Variants in B4GALT6 observed in about 807,000 individuals in gnomAD.
The protein encoded by B4GALT6 is UDP-Gal:beta-GlcNAc beta-1,4-galactosyltransferase 6.
Under a neutral mutation model 46.3 loss-of-function variants are expected in B4GALT6, and 14 were observed. The ratio of observed to expected loss-of-function variants is 0.30; its 90% CI spans 0.20 to 0.47. The LOEUF (loss-of-function observed/expected upper bound fraction) is 0.47, where lower values mean the gene tolerates loss of function less well. Among genes scored for constraint, B4GALT6 ranks in the 20% least tolerant of loss-of-function variants. The pLI is 0.99. For synonymous variants in B4GALT6, 168 were observed against 162.0 expected, an observed-to-expected ratio of 1.04 and a Z score of -0.28; for missense variants, 386 against 480.1, an observed-to-expected ratio of 0.80 and a Z score of 1.83.
the B4GALT6 span, among the ~76,000 whole-genome samples, chr18:31,711,006 C>T: frequency 2.0e-5 from 3 of 152,182 alleles, no homozygotes; most frequent in Non-Finnish European, 4.4e-5. Context: ...GACTCCCTGG[C>T]TAGAAGACCT....
chr18:31,700,435 T>TGTGTGTGTG, the B4GALT6 span, among the ~76,000 whole-genome samples: 47 of 139,580 alleles, frequency 3.4e-4, no homozygotes, highest in East Asian at 3.2e-3. Context: ...AATTGACTAT[T>TGTGTGTGTG]TGTGTGTGTG....
chr18:31,671,522 T>C (rs1222420415), intron 1 of B4GALT6, among the ~76,000 whole-genome samples: 1 of 152,226 alleles, frequency 6.6e-6, no homozygotes, highest in Non-Finnish European at 1.5e-5. Context: ...TTTTCATATG[T>C]CTGTTGGCTG....
At chr18:31,688,108 T>G (rs1380966571), upstream of B4GALT6, among the ~76,000 whole-genome samples, 1 of 151,996 alleles carries the variant, frequency 6.6e-6, no homozygotes, top group African/African-American at 2.4e-5. Context: ...AGTCTCAGCA[T>G]CTGAGACTCA....
the B4GALT6 span, among the ~76,000 whole-genome samples, chr18:31,693,940 G>A: frequency 1.2e-3 from 177 of 152,280 alleles, no homozygotes; most frequent in African/African-American, 4.1e-3. Context: ...TCCAGCCTGG[G>A]AGACAGAGTG....
chr18:31,720,681 A>G, the B4GALT6 span, among the ~76,000 whole-genome samples: 1 of 152,198 alleles, frequency 6.6e-6, no homozygotes, highest in East Asian at 1.9e-4. Flanking sequence ...GGAATGAAAT[A>G]ATGTGAATTG....
intron 3 of B4GALT6, among the ~76,000 whole-genome samples, chr18:31,651,817 C>CT (rs908894087): frequency 6.6e-6 from 1 of 152,160 alleles, no homozygotes; most frequent in African/African-American, 2.4e-5. Flanking sequence ...GTTTCCCAGG[C>CT]TGAAGTGCAG....
intron 3 of B4GALT6, among the ~76,000 whole-genome samples, chr18:31,652,379 A>G (rs200709545): frequency 2.2e-5 from 1 of 46,080 alleles, no homozygotes; most frequent in East Asian, 1.2e-3. Context: ...GGTGTGTGAC[A>G]AGACACAGCA....
chr18:31,675,109 A>C (rs183564002), intron 1 of B4GALT6, among the ~76,000 whole-genome samples: 168 of 152,352 alleles, frequency 1.1e-3, no homozygotes, highest in African/African-American at 3.9e-3. Flanking sequence ...CAAGCTTTGC[A>C]GATGCAAATA....
the B4GALT6 span, among the ~76,000 whole-genome samples, chr18:31,719,417 G>A: frequency 2.6e-5 from 4 of 152,174 alleles, no homozygotes; most frequent in African/African-American, 4.8e-5. Context: ...ACACATCTAG[G>A]CAAATATGAA....
At chr18:31,705,226 A>G in the B4GALT6 span, among the ~76,000 whole-genome samples, 1 of 152,236 alleles carries the variant, frequency 6.6e-6, no homozygotes, top group South Asian at 2.1e-4. Context: ...AGGATAATAC[A>G]CGTACTTATA....
Position 31,625,455 on chromosome 18 carries a change from G to A in B4GALT6, c.*159C>T, listed in dbSNP as rs1419334731. ...GAGCAGGGAGGACGGGTGAGAGAAG[G>A]GTGACTGTATATAGTCCCACTCTGT... On this transcript the variant is annotated 3_prime_UTR_variant, in exon 9 of 9. Coordinates refer to ENST00000306851, the MANE Select transcript of B4GALT6 (RefSeq NM_004775.5). 1.4e-6 allele frequency: 1 copy of A among 692,598 alleles called. No individual in the cohort carries two copies. The highest frequency in any genetic ancestry group is 2.3e-6 in the Non-Finnish European group (1 of 435,408). The allele number at this position is 692,598 out of a possible 1,614,324, so 42.9% of individuals were successfully genotyped here. A position where few individuals can be genotyped will look rare whatever the true frequency, so the allele number is the denominator to read the frequency against.
rs571457424 is a variant in B4GALT6 at position 31,678,541 on chromosome 18, G to A, written c.115+5771C>T. Among the ~76,000 whole-genome samples, 9 of 152,296 alleles carry A rather than the reference G, an allele frequency of 5.9e-5. No individual in the cohort carries two copies. The South Asian group carries it at 1.7e-3, about 28-fold the overall frequency. On this transcript the variant is annotated intron_variant, in intron 1 of 8. Transcript: ENST00000306851. The stretch of plus-strand genomic sequence containing the variant: ...ACTCGGGCACAGTAGAATGAGTCAG[G>A]AATCCTAAGGTGTACATTTCAGCTC...
chr18:31,695,722 A>G, the B4GALT6 span, among the ~76,000 whole-genome samples: 6 of 152,250 alleles, frequency 3.9e-5, no homozygotes, highest in Non-Finnish European at 8.8e-5. Flanking sequence ...ACTATGTCAT[A>G]TGGAGATTCA....
chr18:31,650,345 T>C (rs1002489685), intron 3 of B4GALT6, among the ~76,000 whole-genome samples: 2 of 152,240 alleles, frequency 1.3e-5, no homozygotes, highest in South Asian at 2.1e-4. Context: ...TTTCAACGGC[T>C]TGAACTACCC....
At chr18:31,632,348 T>A (rs1049571204) in intron 5 of B4GALT6, among the ~76,000 whole-genome samples, 1 of 152,222 alleles carries the variant, frequency 6.6e-6, no homozygotes. Context: ...TACATCAACA[T>A]CAGCTTTAAC....
chr18:31,630,479 G>A (rs1349097202), intron 6 of B4GALT6, among the ~76,000 whole-genome samples: 1 of 151,796 alleles, frequency 6.6e-6, no homozygotes, highest in Non-Finnish European at 1.5e-5. Context: ...AAGATAAACA[G>A]CAGAAGAGAG....
At position 31,668,837 on chromosome 18, in the gene B4GALT6, T is replaced by G. The variant is rs371476268; in HGVS notation, c.116-2465A>C. Among the ~76,000 whole-genome samples, 5 of 107,070 alleles carry G rather than the reference T, an allele frequency of 4.7e-5. No individual in the cohort carries two copies. The South Asian group carries it at 1.6e-3, about 35-fold the overall frequency. 70.2% of individuals were successfully genotyped at this position (107,070 alleles called of 152,430 possible). A position where few individuals can be genotyped will look rare whatever the true frequency, so the allele number is the denominator to read the frequency against. On this transcript the variant is annotated intron_variant, in intron 1 of 8. Transcript: ENST00000306851. The stretch of plus-strand genomic sequence containing the variant: ...CAACATGGTGAAATGCCGTCTCTAC[T>G]AAAAAAATACAAAAAAAAAAAAAAC...
chr18:31,624,480 C>T lies in B4GALT6; in HGVS notation c.*1134G>A, dbSNP rs1280979008. ...AAGGGTCCCCTCCAAAAGTGAAATTCTATGTCTGAAAACTAAACTTAAAAT... is the reference window on the plus strand; with the variant it reads ...AAGGGTCCCCTCCAAAAGTGAAATTTTATGTCTGAAAACTAAACTTAAAAT... On this transcript the variant is annotated 3_prime_UTR_variant, in exon 9 of 9. Coordinates refer to ENST00000306851, the MANE Select transcript of B4GALT6 (RefSeq NM_004775.5). The T allele has an allele frequency of 2.0e-5, 3 of 151,878 alleles. No homozygotes were observed. The highest frequency in any genetic ancestry group is 2.0e-4 in the Admixed American group (3 of 15,258). The allele number at this position is 151,878 out of a possible 1,614,324, so 9.4% of individuals were successfully genotyped here.
At position 31,639,143 on chromosome 18, in the gene B4GALT6, A is replaced by G. The variant is rs79678875; in HGVS notation, c.472-383T>C. Among the ~76,000 whole-genome samples, 977 of 152,312 alleles carry G rather than the reference A, an allele frequency of 6.4e-3. 11 individuals are homozygous for G. The highest frequency in any genetic ancestry group is 9.1e-3 in the Non-Finnish European group (622 of 68,032). Reference sequence around the variant, plus strand: ...TTAGGCAATTAGTACAGTCGTTGAGAAAACAGGTAATGGTAGCTTAAACTA... The same window carrying G: ...TTAGGCAATTAGTACAGTCGTTGAGGAAACAGGTAATGGTAGCTTAAACTA... On this transcript the variant is annotated intron_variant, in intron 4 of 8. Coordinates refer to ENST00000306851, the MANE Select transcript of B4GALT6 (RefSeq NM_004775.5).
Sources: gnomAD v4.1 joint callset for allele counts (sites outside exome capture counted in the v4.1 genomes callset) on GRCh38, gnomAD v4.1.1 for gene constraint, MANE v1.5 for transcripts, NCBI Gene and HGNC (gene_info 2026-07-23, HGNC 2026-07-21) for gene names.